USP14: variants seen among roughly 807,000 people sequenced by gnomAD.
USP14 encodes ubiquitin carboxyl-terminal hydrolase 14.
In USP14, 38 loss-of-function variants were observed where a neutral mutation model predicts 76.5. That is an observed-to-expected ratio of 0.50 (90% confidence interval 0.38 to 0.65). The LOEUF is 0.65. Ranked by LOEUF, USP14 falls within the 30% of genes least tolerant of loss-of-function variation. The pLI is 0.00. For synonymous variants in USP14, 192 were observed against 191.7 expected (o/e 1.00, Z -0.01); for missense variants, 467 against 586.5 (o/e 0.80, Z 2.10).
chr18:208,722 CACTT>C (rs372680136), intron 13 of USP14, among the ~76,000 whole-genome samples: 3 of 152,048 alleles, frequency 2.0e-5, no homozygotes, highest in African/African-American at 7.2e-5. Context: ...TGACAGAACA[CACTT>C]ACTTGATTTA....
At chr18:182,405 A>G (rs1304694366) in intron 5 of USP14, among the ~76,000 whole-genome samples, 2 of 152,172 alleles carry the variant, frequency 1.3e-5, no homozygotes, top group Middle Eastern at 3.2e-3. Context: ...AAATGTTGTG[A>G]TAGAACTGAG....
Position 203,670 on chromosome 18 carries a change from C to T in USP14, c.1035+480C>T, listed in dbSNP as rs201167227. Among the ~76,000 whole-genome samples, 69 of 151,754 alleles carry T rather than the reference C, an allele frequency of 4.5e-4. 1 individual carries two copies. In the East Asian group the frequency reaches 0.011, roughly 24 times the overall value. ...TGTCACCCAGGCTGGAGTGCAGTGG[C>T]GCTATCTTGGCTCACTGCAAGCTCT... is the stretch of plus-strand genomic sequence containing the variant. On this transcript the variant is annotated intron_variant, in intron 12 of 15. Transcript: ENST00000261601.
rs1235235769 is a variant in USP14, at chr18:214,078, G to GTTGT, written c.*2796_*2799dup. On this transcript the variant is annotated 3_prime_UTR_variant, in exon 16 of 16. Coordinates refer to ENST00000261601, the MANE Select transcript of USP14 (RefSeq NM_005151.4). ...AGTGCTGCAGCTCCTTAGCTTTGCT[G>GTTGT]TTGTTATAGTGTAGCTGGAGCCATA... 6.6e-6 allele frequency: 1 copy of GTTGT among 152,662 alleles called. No homozygotes were observed. The highest frequency in any genetic ancestry group is 2.4e-5 in the African/African-American group (1 of 41,524). 9.5% of individuals were successfully genotyped at this position (152,662 alleles called of 1,614,324 possible).
chr18:203,151 T>C lies in USP14; in HGVS notation c.996T>C (p.Phe332=). The change falls in exon 12 of 16, where the codon TTT becomes TTC. Residue 332 remains phenylalanine, a synonymous_variant. Transcript: ENST00000261601. ...AYLTIQMVRF[F]YKEKESVNAK... is the part of the protein sequence containing the mutation. ...TGACCATTCAGATGGTTCGATTTTT[T>C]TATAAAGAGAAGGAATCTGTGAATG... is the stretch of plus-strand genomic sequence containing the variant. 2 of 1,614,134 alleles carry C rather than the reference T, an allele frequency of 1.2e-6. No individual in the cohort carries two copies. Among genetic ancestry groups the C allele is most frequent in the Non-Finnish European group, 1.7e-6 (2 of 1,180,016 alleles).
intron 8 of USP14, 76 bp downstream of exon 8, chr18:197,772 G>T (rs1910278319): frequency 4.2e-6 from 5 of 1,182,978 alleles, no homozygotes; most frequent in South Asian, 2.9e-5. Context: ...CCCCTCAAAG[G>T]CTTAAAATAA....
At chr18:206,776 C>A (rs1366060090) in intron 13 of USP14, among the ~76,000 whole-genome samples, 1 of 152,150 alleles carries the variant, frequency 6.6e-6, no homozygotes, top group Non-Finnish European at 1.5e-5. Flanking sequence ...TGGTGCGGAC[C>A]TATAATCCCA....
intron 14 of USP14, 165 bp from the exon 15 acceptor site, chr18:210,221 T>C: frequency 1.5e-6 from 1 of 686,752 alleles, no homozygotes; most frequent in South Asian, 2.2e-5. Flanking sequence ...AAGTTACTTA[T>C]TAAAACATCA....
At chr18:199,562 G>T (rs1910331619) in intron 10 of USP14, among the ~76,000 whole-genome samples, 1 of 152,066 alleles carries the variant, frequency 6.6e-6, no homozygotes, top group Non-Finnish European at 1.5e-5. Flanking sequence ...AAAAATTTCT[G>T]CTTTTTGTTG....
At position 196,773 on chromosome 18, in the gene USP14, TA is replaced by T. The variant is rs1910248879; in HGVS notation, c.594+7del. ...AAGGACAGTATCTTCAACAGGTAAT[TA>T]GGGCAAGGTATTTTTCATTCTGTAA... On this transcript the variant is annotated splice_region_variant and intron_variant, in intron 7 of 15. Coordinates refer to ENST00000261601, the MANE Select transcript of USP14 (RefSeq NM_005151.4). 1 of 1,611,146 alleles carries T rather than the reference TA, an allele frequency of 6.2e-7. No homozygotes were observed.
chr18:210,193 G>A, intron 14 of USP14, 162 bp downstream of exon 14: 3 of 705,824 alleles, frequency 4.3e-6, no homozygotes, highest in South Asian at 2.1e-5. Flanking sequence ...TTACTCATTG[G>A]CATACAGTTC....
At position 196,629 on chromosome 18, in the gene USP14, T is replaced by C; in HGVS notation, c.464-8T>C. 2 of 1,610,938 alleles carry C rather than the reference T, an allele frequency of 1.2e-6. No homozygotes were observed. Among genetic ancestry groups the C allele is most frequent in the Non-Finnish European group, 1.7e-6 (2 of 1,178,982 alleles). On this transcript the variant is annotated splice_polypyrimidine_tract_variant and splice_region_variant and intron_variant, in intron 6 of 15. Transcript: ENST00000261601. The stretch of plus-strand genomic sequence containing the variant: ...TTTTACTAAGGCAATGTTTGCTTTG[T>C]CTTTAAGCCCTTAGAGATTTGTTTG...
intron 1 of USP14, among the ~76,000 whole-genome samples, chr18:159,679 C>G (rs1909062217): frequency 6.6e-6 from 1 of 152,136 alleles, no homozygotes; most frequent in Admixed American, 6.6e-5. Flanking sequence ...ATTGCCCAAC[C>G]CCTTTCTAAA....
At chr18:164,995 C>G (rs1418632936) in intron 2 of USP14, among the ~76,000 whole-genome samples, 2 of 152,104 alleles carry the variant, frequency 1.3e-5, no homozygotes, top group Admixed American at 1.3e-4. Context: ...CACTCAGGGG[C>G]TGGAGTGCAG....
intron 3 of USP14, among the ~76,000 whole-genome samples, chr18:167,954 T>G (rs1399652885): frequency 7.1e-6 from 1 of 141,304 alleles, no homozygotes; most frequent in East Asian, 2.0e-4. Context: ...TTTTTTTTTT[T>G]GAGACAGAGT....
chr18:204,075 A>C (rs962463742), intron 12 of USP14, among the ~76,000 whole-genome samples: 6 of 152,086 alleles, frequency 3.9e-5, no homozygotes, highest in Non-Finnish European at 8.8e-5. Context: ...CAGTATACTT[A>C]GCGTTGTATG....
rs1555603879 is a variant in USP14, at chr18:214,013, A to ATTGATGAT, written c.*2730_*2731insTGATGATT. On this transcript the variant is annotated 3_prime_UTR_variant, in exon 16 of 16. Coordinates refer to ENST00000261601, the MANE Select transcript of USP14 (RefSeq NM_005151.4). ...TAGATAGATAGATGATGATTGATTG[A>ATTGATGAT]TGATTGATAGTAAATTATTTCAGGC... The ATTGATGAT allele has an allele frequency of 1.3e-5, 2 of 151,260 alleles. No individual in the cohort carries two copies. Among genetic ancestry groups the ATTGATGAT allele is most frequent in the Non-Finnish European group, 2.9e-5 (2 of 68,052 alleles). 9.4% of individuals were successfully genotyped at this position (151,260 alleles called of 1,614,324 possible).
chr18:194,054 T>C (rs1277894586), intron 6 of USP14, among the ~76,000 whole-genome samples: 1 of 152,180 alleles, frequency 6.6e-6, no homozygotes, highest in Non-Finnish European at 1.5e-5. Flanking sequence ...CCCAGAAGGG[T>C]ATGAGGGTTC....
intron 5 of USP14, among the ~76,000 whole-genome samples, chr18:186,756 A>T (rs1437694911): frequency 6.6e-6 from 1 of 152,176 alleles, no homozygotes; most frequent in Non-Finnish European, 1.5e-5. Flanking sequence ...TGTCTCAAAA[A>T]AAAAAGAGAA....
chr18:173,987 C>T (rs1470292624), intron 3 of USP14, among the ~76,000 whole-genome samples: 1 of 152,160 alleles, frequency 6.6e-6, no homozygotes, highest in Non-Finnish European at 1.5e-5. Flanking sequence ...ATCAGGTCGT[C>T]TAAGTCTTCC....
Sources: allele counts gnomAD v4.1 joint callset (sites outside exome capture counted in the v4.1 genomes callset), GRCh38; gene constraint gnomAD v4.1.1; transcripts MANE v1.5; gene names NCBI Gene and HGNC (gene_info 2026-07-23, HGNC 2026-07-21).